The following THSD7B variants were observed in gnomAD, a reference collection of about 807,000 sequenced individuals.
The protein encoded by THSD7B is thrombospondin type-1 domain-containing protein 7B.
A neutral mutation model predicts 213.6 loss-of-function variants in THSD7B; 138 were observed. The ratio of observed to expected loss-of-function variants is 0.65; its 90% confidence interval spans 0.56 to 0.74. The LOEUF (loss-of-function observed/expected upper bound fraction) is 0.74. Among genes scored for constraint, THSD7B ranks in the 30% least tolerant of loss-of-function variants. The pLI, the probability that THSD7B is intolerant of heterozygous loss-of-function variation, is 0.00. For missense variants in THSD7B, 1,931 were observed against 1,991.5 expected (o/e 0.97, Z 0.58); for synonymous variants, 742 against 687.0 (o/e 1.08, Z -1.25).
At chr2:137,657,205 G>C (rs768655795) in intron 24 of THSD7B, 45 bp downstream of exon 24, 1 of 1,559,778 alleles carries the variant, frequency 6.4e-7, no homozygotes, top group Non-Finnish European at 8.8e-7. Flanking sequence ...AAACACCCCT[G>C]AGTGTTGTTA....
chr2:136,812,660 G>T lies in THSD7B; in HGVS notation c.-36+46973G>T, dbSNP rs1392585390. The stretch of plus-strand genomic sequence containing the variant: ...ATCACAGTATGTTCATTTCCTAGAT[G>T]AAGAGACTGAAGTTGAGAAACTTTA... On this transcript the variant is annotated intron_variant, in intron 1 of 27. Coordinates refer to ENST00000409968, the MANE Select transcript of THSD7B (RefSeq NM_001316349.2). Among the ~76,000 whole-genome samples, 3 of 152,178 alleles carry T rather than the reference G, an allele frequency of 2.0e-5. No homozygotes were observed. The East Asian group carries it at 5.8e-4, about 29-fold the overall frequency.
intron 10 of THSD7B, among the ~76,000 whole-genome samples, chr2:137,257,266 T>C (rs1403003809): frequency 6.6e-6 from 1 of 152,222 alleles, no homozygotes; most frequent in Non-Finnish European, 1.5e-5. Context: ...CATGTCTTCA[T>C]GACCTGGAGT....
chr2:137,585,096 T>C (rs1681689954), intron 17 of THSD7B, among the ~76,000 whole-genome samples: 2 of 152,210 alleles, frequency 1.3e-5, no homozygotes, highest in Admixed American at 1.3e-4. Context: ...AATTTACCCA[T>C]TTCTTCTAGA....
At chr2:136,858,749 A>G (rs1387238856) in intron 1 of THSD7B, among the ~76,000 whole-genome samples, 2 of 152,132 alleles carry the variant, frequency 1.3e-5, no homozygotes, top group African/African-American at 2.4e-5. Context: ...TTTCCCTCCC[A>G]TTATCTGAAT....
In THSD7B at chr2:137,063,463, G is replaced by T. The variant is rs560764777; in HGVS notation, c.950+6233G>T. Among the ~76,000 whole-genome samples the T allele has an allele frequency of 5.5e-4, 83 of 152,124 alleles. 1 individual carries two copies. The South Asian group carries it at 0.011, about 21-fold the overall frequency. Reference sequence around the variant, plus strand: ...AGATATTTTGATACAAGCATGCAATGCATTGTAATCATATCAGGGTAAATG... The same window carrying T: ...AGATATTTTGATACAAGCATGCAATTCATTGTAATCATATCAGGGTAAATG... On this transcript the variant is annotated intron_variant, in intron 3 of 27. Coordinates refer to ENST00000409968, the MANE Select transcript of THSD7B (RefSeq NM_001316349.2).
chr2:137,126,206 T>A (rs1033702094), intron 5 of THSD7B, among the ~76,000 whole-genome samples: 5 of 152,188 alleles, frequency 3.3e-5, no homozygotes, highest in Non-Finnish European at 5.9e-5. Context: ...AGCCAGGCAT[T>A]GACTTCTCCT....
intron 2 of THSD7B, among the ~76,000 whole-genome samples, chr2:137,027,172 C>T (rs981819141): frequency 6.6e-6 from 1 of 152,174 alleles, no homozygotes; most frequent in East Asian, 1.9e-4. Context: ...ATCAAGCCCA[C>T]ACTTCTATAT....
intron 12 of THSD7B, among the ~76,000 whole-genome samples, chr2:137,395,378 G>T (rs1241779696): frequency 2.4e-4 from 36 of 149,776 alleles, no homozygotes; most frequent in Admixed American, 2.4e-3. Context: ...ATGAAGGGTT[G>T]TTGAATTTTG....
At chr2:136,941,817 G>GTTTCTTTTGCTACCTTTTGC (rs1684833877) in intron 2 of THSD7B, among the ~76,000 whole-genome samples, 2 of 152,126 alleles carry the variant, frequency 1.3e-5, no homozygotes, top group Non-Finnish European at 2.9e-5. Flanking sequence ...TCTGATGGTA[G>GTTTCTTTTGCTACCTTTTGC]TTTCTTTTGC....
chr2:136,802,821 TC>T (rs1682213692), intron 1 of THSD7B, among the ~76,000 whole-genome samples: 1 of 151,274 alleles, frequency 6.6e-6, no homozygotes, highest in Non-Finnish European at 1.5e-5. Flanking sequence ...ATGTGAGACC[TC>T]CCTCTTCACT....
chr2:137,166,379 T>A (rs1468437359), intron 6 of THSD7B, among the ~76,000 whole-genome samples: 1 of 152,206 alleles, frequency 6.6e-6, no homozygotes, highest in Non-Finnish European at 1.5e-5. Context: ...TGATACATTT[T>A]AAAATTTTTT....
intron 12 of THSD7B, among the ~76,000 whole-genome samples, chr2:137,392,794 C>T (rs990724125): frequency 1.3e-5 from 2 of 151,990 alleles, no homozygotes; most frequent in Non-Finnish European, 2.9e-5. Context: ...CAAGTTAATA[C>T]TTACATGTGA....
At chr2:137,391,843 A>G (rs1416993424) in intron 12 of THSD7B, among the ~76,000 whole-genome samples, 1 of 152,022 alleles carries the variant, frequency 6.6e-6, no homozygotes, top group Non-Finnish European at 1.5e-5. Flanking sequence ...TAGCTTTAAA[A>G]TTTGTGATCT....
At chr2:137,162,463 A>G (rs1410246882) in intron 6 of THSD7B, among the ~76,000 whole-genome samples, 1 of 152,132 alleles carries the variant, frequency 6.6e-6, no homozygotes, top group African/African-American at 2.4e-5. Context: ...GGATCAGGAG[A>G]GGGACAGTTC....
chr2:137,141,205 T>C (rs1679578591), intron 5 of THSD7B, among the ~76,000 whole-genome samples: 1 of 152,070 alleles, frequency 6.6e-6, no homozygotes, highest in South Asian at 2.1e-4. Flanking sequence ...TGAGATTTAG[T>C]TGAGTGACAG....
chr2:136,904,644 T>C (rs1237996916), intron 2 of THSD7B, among the ~76,000 whole-genome samples: 1 of 152,156 alleles, frequency 6.6e-6, no homozygotes, highest in Admixed American at 6.5e-5. Flanking sequence ...AGGGGTGGGA[T>C]AGCTGGTGCT....
At chr2:137,362,242 G>A (rs886214082) in intron 12 of THSD7B, among the ~76,000 whole-genome samples, 38 of 152,200 alleles carry the variant, frequency 2.5e-4, no homozygotes, top group Non-Finnish European at 4.7e-4. Context: ...AGCACTAAAC[G>A]TGGAAAGTAA....
chr2:137,429,635 T>C (rs986371327), intron 14 of THSD7B, among the ~76,000 whole-genome samples: 2 of 152,172 alleles, frequency 1.3e-5, no homozygotes, highest in Admixed American at 1.3e-4. Flanking sequence ...TGGGAAATTT[T>C]GGTGTGGTTT....
intron 17 of THSD7B, among the ~76,000 whole-genome samples, chr2:137,589,445 C>T (rs988041589): frequency 6.6e-6 from 1 of 152,016 alleles, no homozygotes; most frequent in Admixed American, 6.6e-5. Flanking sequence ...AAAATTCAAC[C>T]CTTTCCTTAC....
Sources: gnomAD v4.1 joint callset for allele counts (sites outside exome capture counted in the v4.1 genomes callset) on GRCh38, gnomAD v4.1.1 for gene constraint, MANE v1.5 for transcripts, NCBI Gene and HGNC (gene_info 2026-07-23, HGNC 2026-07-21) for gene names.